Variants in UPRT observed in about 807,000 individuals in gnomAD.
UPRT encodes uracil phosphoribosyltransferase homolog.
A neutral mutation model predicts 22.6 loss-of-function variants in UPRT; 5 were observed. The ratio of observed to expected loss-of-function variants is 0.22; its 90% CI spans 0.12 to 0.47. The LOEUF (loss-of-function observed/expected upper bound fraction) is 0.47. Ranked by LOEUF, UPRT falls within the 20% of genes least tolerant of loss-of-function variation. The pLI is 0.99. For missense variants in UPRT, 181 were observed against 239.9 expected, an observed-to-expected ratio of 0.75 and a Z score of 1.62; for synonymous variants, 77 against 87.7, an observed-to-expected ratio of 0.88 and a Z score of 0.68.
intron 4 of UPRT, among the ~76,000 whole-genome samples, chrX:75,212,563 G>C (rs1267485806): frequency 1.1e-4 from 12 of 112,195 alleles, no homozygotes; most frequent in African/African-American, 3.9e-4. Context: ...TGATAGACTG[G>C]ATAAAGAAAA....
At chrX:75,239,543 C>G (rs1469954427) in intron 4 of UPRT, among the ~76,000 whole-genome samples, 2 of 111,232 alleles carry the variant, frequency 1.8e-5, no homozygotes, top group Non-Finnish European at 3.8e-5. Flanking sequence ...TGGTACCAAT[C>G]CTATTATAAC....
intron 1 of UPRT, chrX:75,156,678 T>C (rs1451115947): frequency 8.8e-6 from 3 of 341,866 alleles, no homozygotes; most frequent in Non-Finnish European, 1.7e-5. Context: ...CAACTCAATG[T>C]CACGCTCCCC....
At chrX:75,219,564 CAA>C (rs1323353244) in intron 4 of UPRT, among the ~76,000 whole-genome samples, 1 of 111,328 alleles carries the variant, frequency 9.0e-6, no homozygotes, top group East Asian at 2.8e-4. Context: ...TAAGACTAAA[CAA>C]TGATACCACT....
chrX:75,226,892 T>G (rs1369454916), intron 4 of UPRT, among the ~76,000 whole-genome samples: 1 of 111,255 alleles, frequency 9.0e-6, no homozygotes, highest in Non-Finnish European at 1.9e-5. Flanking sequence ...AAGTTGGTTC[T>G]CAATAAATAC....
chrX:75,251,314 G>C (rs770842207), intron 4 of UPRT, among the ~76,000 whole-genome samples: 1,934 of 111,062 alleles, frequency 0.017, 57 homozygotes, highest in African/African-American at 0.059. Flanking sequence ...TAGAAAACCC[G>C]ATCGTCTCAG....
At chrX:75,182,682 G>A (rs1334679078) in intron 4 of UPRT, among the ~76,000 whole-genome samples, 2 of 111,385 alleles carry the variant, frequency 1.8e-5, no homozygotes, top group Admixed American at 9.6e-5. Flanking sequence ...TATATTTGTG[G>A]GGTCAGATAA....
chrX:75,186,183 A>G, intron 4 of UPRT, among the ~76,000 whole-genome samples: 1 of 109,922 alleles, frequency 9.1e-6, no homozygotes, highest in African/African-American at 3.3e-5. Context: ...CCCTCTACAC[A>G]CTGCTTTGAA....
chrX:75,156,834 T>C (rs1484816542), intron 1 of UPRT: 2 of 303,381 alleles, frequency 6.6e-6, no homozygotes, highest in South Asian at 3.0e-5. Flanking sequence ...TTAACTTTGC[T>C]GATTGTTCTC....
At chrX:75,272,492 A>G (rs770176307), upstream of UPRT, among the ~76,000 whole-genome samples, 14 of 107,512 alleles carry the variant, frequency 1.3e-4, no homozygotes, top group South Asian at 4.1e-4. Context: ...ATGGAAAACC[A>G]AACATTGTAT....
At chrX:75,267,660 A>G (rs746798499) in intron 4 of UPRT, among the ~76,000 whole-genome samples, 1 of 112,221 alleles carries the variant, frequency 8.9e-6, no homozygotes, top group Non-Finnish European at 1.9e-5. Flanking sequence ...CTGAATGACT[A>G]CTGGGTAAAT....
At chrX:75,169,401 C>T (rs945109888) in intron 4 of UPRT, among the ~76,000 whole-genome samples, 1 of 111,966 alleles carries the variant, frequency 8.9e-6, no homozygotes, top group African/African-American at 3.2e-5. Context: ...TAGAAGTGTT[C>T]CCTTTTCACT....
chrX:75,186,272 G>T (rs5981795), intron 4 of UPRT, among the ~76,000 whole-genome samples: 1 of 111,495 alleles, frequency 9.0e-6, no homozygotes, highest in Admixed American at 9.5e-5. Flanking sequence ...CCGTCATTTC[G>T]TTATGTACCC....
chrX:75,222,989 G>A (rs1338733812), intron 4 of UPRT, among the ~76,000 whole-genome samples: 6 of 110,511 alleles, frequency 5.4e-5, no homozygotes, highest in Middle Eastern at 4.2e-3. Context: ...AAAGGCCCAC[G>A]GCAAGTAGTA....
chrX:75,262,859 G>A (rs747011152), intron 4 of UPRT, among the ~76,000 whole-genome samples: 7 of 111,411 alleles, frequency 6.3e-5, no homozygotes, highest in African/African-American at 2.3e-4. Context: ...AATAGTGGGA[G>A]ACTTTAACAT....
chrX:75,264,228 G>A (rs1369810223), intron 4 of UPRT, among the ~76,000 whole-genome samples: 1 of 111,771 alleles, frequency 8.9e-6, no homozygotes, highest in Non-Finnish European at 1.9e-5. Context: ...TTCTGTAGAT[G>A]TCTATTAGGT....
At chrX:75,300,759 C>T in intron 5 of UPRT, 108 bp from the exon 6 acceptor site, 1 of 592,166 alleles carries the variant, frequency 1.7e-6, no homozygotes, top group Non-Finnish European at 2.6e-6. Context: ...TGCACTCCAG[C>T]CTGAGTGACA....
At chrX:75,263,517 A>T (rs1188334607) in intron 4 of UPRT, among the ~76,000 whole-genome samples, 1 of 111,968 alleles carries the variant, frequency 8.9e-6, no homozygotes, top group Non-Finnish European at 1.9e-5. Flanking sequence ...AGATGTGTTT[A>T]TAGTATTCTC....
At chrX:75,219,555 A>G (rs1048872652) in intron 4 of UPRT, among the ~76,000 whole-genome samples, 82 of 111,596 alleles carry the variant, frequency 7.3e-4, no homozygotes, top group Non-Finnish European at 3.6e-4. Context: ...AAATAAATAT[A>G]AGACTAAACA....
At chrX:75,250,761 A>T (rs917981298) in intron 4 of UPRT, among the ~76,000 whole-genome samples, 3 of 111,692 alleles carry the variant, frequency 2.7e-5, no homozygotes, top group African/African-American at 9.8e-5. Context: ...ACAACAAAAA[A>T]AGAGAATTTT....
Sources: gnomAD v4.1 joint callset for allele counts (sites outside exome capture counted in the v4.1 genomes callset) on GRCh38, gnomAD v4.1.1 for gene constraint, MANE v1.5 for transcripts, NCBI Gene and HGNC (gene_info 2026-07-23, HGNC 2026-07-21) for gene names.